The following FHIP1A variants were observed in gnomAD, a reference collection of about 807,000 sequenced individuals.
FHIP1A encodes FHF complex subunit HOOK-interacting protein 1A.
In FHIP1A, 61 loss-of-function variants were observed where a neutral mutation model predicts 88.6. That is an observed-to-expected ratio of 0.69 (90% confidence interval 0.56 to 0.85). The LOEUF (loss-of-function observed/expected upper bound fraction) is 0.85. Ranked by LOEUF, FHIP1A falls within the 40% of genes least tolerant of loss-of-function variation. The pLI is 0.00. For missense variants in FHIP1A, 1,154 were observed against 1,273.5 expected, an observed-to-expected ratio of 0.91 and a Z score of 1.43; for synonymous variants, 478 against 496.0, an observed-to-expected ratio of 0.96 and a Z score of 0.48.
chr4:151,486,709 G>T (rs1730093182), intron 3 of FHIP1A, among the ~76,000 whole-genome samples: 2 of 152,122 alleles, frequency 1.3e-5, no homozygotes, highest in African/African-American at 4.8e-5. Context: ...GCTCATGTCT[G>T]TAATCCCAGC....
At chr4:151,624,793 G>A (rs910471271) in intron 7 of FHIP1A, among the ~76,000 whole-genome samples, 5 of 152,120 alleles carry the variant, frequency 3.3e-5, no homozygotes, top group Non-Finnish European at 7.4e-5. Flanking sequence ...CCTAGAGGTC[G>A]GGGAGCAGAA....
intron 1 of FHIP1A, among the ~76,000 whole-genome samples, chr4:151,453,111 G>A (rs886963437): frequency 1.3e-5 from 2 of 151,736 alleles, no homozygotes; most frequent in South Asian, 4.2e-4. Context: ...CCACCTCCTG[G>A]GTTCAAGCGA....
In FHIP1A at chr4:151,663,125, T is replaced by A. The variant is rs762983617; in HGVS notation, c.*371T>A. The A allele has an allele frequency of 6.0e-6, 1 of 166,842 alleles. No homozygotes were observed. The highest frequency in any genetic ancestry group is 1.8e-4 in the East Asian group (1 of 5,712). 10.3% of individuals were successfully genotyped at this position (166,842 alleles called of 1,614,324 possible). The stretch of plus-strand genomic sequence containing the variant: ...TCTGGTGATGTCTGGAAGTGCCCCA[T>A]GTCAGAATTCCAGCTGTTCAGCAGC... On this transcript the variant is annotated 3_prime_UTR_variant, in exon 14 of 14. Coordinates refer to ENST00000435205, the MANE Select transcript of FHIP1A (RefSeq NM_001109977.3).
intron 3 of FHIP1A, among the ~76,000 whole-genome samples, chr4:151,534,469 A>C (rs1731993386): frequency 6.6e-6 from 1 of 152,196 alleles, no homozygotes; most frequent in Non-Finnish European, 1.5e-5. Flanking sequence ...GATCTCTGTA[A>C]GCTGAAGATT....
chr4:151,435,966 C>T (rs1166053718), intron 1 of FHIP1A, among the ~76,000 whole-genome samples: 7 of 152,044 alleles, frequency 4.6e-5, no homozygotes, highest in South Asian at 4.1e-4. Context: ...ATGATGACAT[C>T]ACAATGCTTT....
At chr4:151,634,735 C>T (rs1277507156) in intron 8 of FHIP1A, among the ~76,000 whole-genome samples, 3 of 151,634 alleles carry the variant, frequency 2.0e-5, no homozygotes, top group African/African-American at 4.8e-5. Context: ...TACTTTACAC[C>T]GTATAAAAAA....
In FHIP1A at chr4:151,577,571, T is replaced by C. The variant is rs553808969; in HGVS notation, c.227T>C (p.Ile76Thr). 31 of 1,551,878 alleles carry C rather than the reference T, an allele frequency of 2.0e-5. 1 individual carries two copies. In the African/African-American group the frequency reaches 2.5e-4, roughly 12 times the overall value. Residue 76 changes from isoleucine (I) to threonine (T), a missense_variant, in exon 5 of 14, where the codon ATT becomes ACT. By Grantham distance (89) the Ile-to-Thr change is moderately conservative. Coordinates refer to ENST00000435205, the MANE Select transcript of FHIP1A (RefSeq NM_001109977.3). Reference protein sequence around the residue: ...NYVEHMLFLLIEEQAKDAAMG... With the variant: ...NYVEHMLFLLTEEQAKDAAMG... ...GTAGAACACATGCTCTTCTTGTTGA[T>C]TGAAGAGCAAGCCAAAGATGCTGCA...
chr4:151,545,369 CTTTTTTTTTTTTTTT>C (rs569126288), intron 3 of FHIP1A, among the ~76,000 whole-genome samples: 1 of 81,652 alleles, frequency 1.2e-5, no homozygotes, highest in Non-Finnish European at 2.3e-5. Flanking sequence ...CCTTATCCTT[CTTTTTTTTTTTTTTT>C]TTTTTTTTTT....
At chr4:151,584,469 T>C (rs1465688442) in intron 5 of FHIP1A, among the ~76,000 whole-genome samples, 6 of 152,178 alleles carry the variant, frequency 3.9e-5, no homozygotes, top group Non-Finnish European at 8.8e-5. Flanking sequence ...CACACCTCCT[T>C]CTGACTTTCT....
At chr4:151,578,217 C>A (rs1227209722) in intron 5 of FHIP1A, 141 bp downstream of exon 5, 2 of 783,270 alleles carry the variant, frequency 2.6e-6, no homozygotes, top group Non-Finnish European at 4.0e-6. Context: ...TAGAGGAAAT[C>A]TTTGGAGGGA....
In FHIP1A at chr4:151,588,429, A is replaced by T. The variant is rs1277729798; in HGVS notation, c.892-411A>T. Among the ~76,000 whole-genome samples, 26 of 152,164 alleles carry T rather than the reference A, an allele frequency of 1.7e-4. 1 individual carries two copies. Among genetic ancestry groups the T allele is most frequent in the Admixed American group, 1.7e-3 (26 of 15,270 alleles). ...TTATACTCAGTTTTTAAAATTAGTT[A>T]CAGGTTGAGATGTGATTTAGAAGAA... On this transcript the variant is annotated intron_variant, in intron 6 of 13. Transcript: ENST00000435205.
At chr4:151,492,652 G>GAAT (rs1485763073) in intron 3 of FHIP1A, among the ~76,000 whole-genome samples, 1 of 151,562 alleles carries the variant, frequency 6.6e-6, no homozygotes, top group East Asian at 1.9e-4. Flanking sequence ...GACCACAGTG[G>GAAT]AATAAAATTG....
intron 9 of FHIP1A, among the ~76,000 whole-genome samples, chr4:151,644,065 A>G (rs915231128): frequency 6.6e-6 from 1 of 152,260 alleles, no homozygotes. Context: ...TTGAGCTGTA[A>G]GCAGTCATTG....
intron 3 of FHIP1A, chr4:151,534,678 AT>A (rs1293109540): frequency 6.6e-6 from 1 of 152,176 alleles, no homozygotes; most frequent in Non-Finnish European, 1.5e-5. Flanking sequence ...TGTTAAAATA[AT>A]TTTTTCCCCC....
At chr4:151,546,432 G>A (rs1401577980) in intron 3 of FHIP1A, among the ~76,000 whole-genome samples, 1 of 152,198 alleles carries the variant, frequency 6.6e-6, no homozygotes, top group Non-Finnish European at 1.5e-5. Context: ...AATTGCGTGA[G>A]CTAAGTCCCC....
intron 3 of FHIP1A, among the ~76,000 whole-genome samples, chr4:151,562,386 T>A (rs539051126): frequency 6.6e-6 from 1 of 152,302 alleles, no homozygotes; most frequent in South Asian, 2.1e-4. Flanking sequence ...CTTTTATCTC[T>A]AGCACTCTCC....
intron 4 of FHIP1A, among the ~76,000 whole-genome samples, chr4:151,570,619 A>G (rs1733564906): frequency 1.3e-5 from 2 of 152,190 alleles, no homozygotes; most frequent in South Asian, 4.2e-4. Flanking sequence ...GTGTAGCCCA[A>G]CCACTTTTTA....
At position 151,670,471 on chromosome 4, in the gene FHIP1A, ATATTT is replaced by A. The variant is rs1737825922; in HGVS notation, c.*7722_*7726del. ...TAATTTTTATGTGATATTTCAGTAT[ATATTT>A]TATTGATTAAATTTATTGGAAAACT... On this transcript the variant is annotated 3_prime_UTR_variant, in exon 14 of 14. Coordinates refer to ENST00000435205, the MANE Select transcript of FHIP1A (RefSeq NM_001109977.3). 1 of 152,180 alleles carries A rather than the reference ATATTT, an allele frequency of 6.6e-6. No individual in the cohort carries two copies. The highest frequency in any genetic ancestry group is 1.5e-5 in the Non-Finnish European group (1 of 68,038). 9.4% of individuals were successfully genotyped at this position (152,180 alleles called of 1,614,324 possible).
rs531270208 is a variant in FHIP1A at position 151,578,208 on chromosome 4, A to G, written c.732+132A>G. 9.6e-6 allele frequency: 8 copies of G among 835,572 alleles called. No individual in the cohort carries two copies. The South Asian group carries it at 1.5e-4, about 15-fold the overall frequency. 51.8% of individuals were successfully genotyped at this position (835,572 alleles called of 1,614,324 possible). A position where few individuals can be genotyped will look rare whatever the true frequency, so the allele number is the denominator to read the frequency against. On this transcript the variant is annotated intron_variant, in intron 5 of 13. Transcript: ENST00000435205. ...TGGCACTTCCTATGGAAGGATGTTT[A>G]GAGGAAATCTTTGGAGGGAGCAGAC...
Sources: gnomAD v4.1 joint callset for allele counts (sites outside exome capture counted in the v4.1 genomes callset) on GRCh38, gnomAD v4.1.1 for gene constraint, MANE v1.5 for transcripts, NCBI Gene and HGNC (gene_info 2026-07-23, HGNC 2026-07-21) for gene names.